TLL1: variants seen among roughly 807,000 people sequenced by gnomAD.
TLL1 encodes tolloid like 1.
TLL1 carries 49 observed loss-of-function variants against 128.2 expected under a neutral mutation model. That is an observed-to-expected ratio of 0.38 (90% confidence interval 0.30 to 0.48). The LOEUF (loss-of-function observed/expected upper bound fraction) is 0.48. Ranked by LOEUF, TLL1 falls within the 20% of genes least tolerant of loss-of-function variation. The pLI, the probability that TLL1 is intolerant of heterozygous loss-of-function variation, is 0.96. For synonymous variants in TLL1, 454 were observed against 418.8 expected (o/e 1.08, Z -1.03); for missense variants, 1,123 against 1,242.0 (o/e 0.90, Z 1.44).
At chr4:165,933,104 T>C (rs989912901) in intron 1 of TLL1, among the ~76,000 whole-genome samples, 1 of 152,236 alleles carries the variant, frequency 6.6e-6, no homozygotes, top group Admixed American at 6.5e-5. Context: ...CATGTATTTT[T>C]CAAGCCTACT....
intron 5 of TLL1, 105 bp from the exon 6 acceptor site, chr4:166,003,286 G>A (rs1737252431): frequency 8.8e-7 from 1 of 1,134,428 alleles, no homozygotes; most frequent in Non-Finnish European, 1.3e-6. Context: ...TCCTGAATGT[G>A]TCGGACTTTA....
chr4:165,891,295 T>A (rs965446817), intron 1 of TLL1, among the ~76,000 whole-genome samples: 1 of 143,180 alleles, frequency 7.0e-6, no homozygotes, highest in African/African-American at 2.6e-5. Flanking sequence ...TTGTTACTTA[T>A]GCAAATTTCT....
chr4:165,919,138 T>A (rs1260048538), intron 1 of TLL1, among the ~76,000 whole-genome samples: 1 of 152,060 alleles, frequency 6.6e-6, no homozygotes, highest in Middle Eastern at 3.2e-3. Flanking sequence ...TCCCAGCAGT[T>A]TGGAAGACCA....
intron 11 of TLL1, among the ~76,000 whole-genome samples, chr4:166,042,645 T>G (rs1196256980): frequency 6.6e-6 from 1 of 152,248 alleles, no homozygotes; most frequent in Non-Finnish European, 1.5e-5. Context: ...ACTGGCATTG[T>G]GCTTTCTTGG....
intron 1 of TLL1, among the ~76,000 whole-genome samples, chr4:165,950,927 G>T (rs775757173): frequency 1.3e-5 from 2 of 152,026 alleles, no homozygotes; most frequent in African/African-American, 4.8e-5. Flanking sequence ...ATTTAAGCTC[G>T]AAAGAGACAG....
intron 8 of TLL1, among the ~76,000 whole-genome samples, chr4:166,021,180 C>T (rs1296799524): frequency 2.0e-5 from 3 of 151,924 alleles, no homozygotes; most frequent in South Asian, 4.1e-4. Flanking sequence ...TATATAACTG[C>T]TTTTGTATAT....
intron 12 of TLL1, among the ~76,000 whole-genome samples, chr4:166,049,597 G>A (rs1359807879): frequency 2.0e-5 from 3 of 150,914 alleles, no homozygotes; most frequent in Non-Finnish European, 4.4e-5. Flanking sequence ...CAAGACCTAT[G>A]ATGTTGCTTT....
chr4:166,044,321 T>G, intron 12 of TLL1: 1 of 1,514,356 alleles, frequency 6.6e-7, no homozygotes, highest in Non-Finnish European at 8.9e-7. Context: ...CACTACTTAC[T>G]GAGGGCAGTG....
chr4:166,039,390 T>TATGACTATATTGA lies in TLL1; in HGVS notation c.1212_1224dup (p.Val409Ter). 6.2e-7 allele frequency: 1 copy of TATGACTATATTGA among 1,613,550 alleles called. No homozygotes were observed. The highest frequency in any genetic ancestry group is 8.5e-7 in the Non-Finnish European group (1 of 1,179,666). The stretch of plus-strand genomic sequence containing the variant: ...TCTATACAAGAGTAGTTTGTGCTGG[T>TATGACTATATTGA]ATGACTATATTGAAGTAAGAGACGG... On this transcript the variant is annotated frameshift_variant, in exon 10 of 21. Coordinates refer to ENST00000061240, the MANE Select transcript of TLL1 (RefSeq NM_012464.5). LOFTEE classifies it high-confidence loss of function.
chr4:165,977,009 A>G (rs564615512), intron 1 of TLL1, among the ~76,000 whole-genome samples: 1 of 152,338 alleles, frequency 6.6e-6, no homozygotes, highest in East Asian at 1.9e-4. Context: ...AGGGAAGCCA[A>G]AAGATTGGAT....
At chr4:166,054,572 C>G (rs553823324) in intron 12 of TLL1, among the ~76,000 whole-genome samples, 202 of 120,576 alleles carry the variant, frequency 1.7e-3, no homozygotes, top group Non-Finnish European at 2.8e-3. Context: ...TCCCTCCCCC[C>G]ACCCCACCAC....
rs577706663 is a variant in TLL1 at position 165,915,415 on chromosome 4, T to C, written c.169+41342T>C. On this transcript the variant is annotated intron_variant, in intron 1 of 20. Coordinates refer to ENST00000061240, the MANE Select transcript of TLL1 (RefSeq NM_012464.5). ...GGTTAGGGCTGAATGTTTATGACGA[T>C]TGAGTGATCTGATGAATTACAGGTT... is the stretch of plus-strand genomic sequence containing the variant. 2.0e-5 allele frequency among the ~76,000 whole-genome samples: 3 copies of C among 152,328 alleles called. No individual in the cohort carries two copies. In the South Asian group the frequency reaches 6.2e-4, roughly 32 times the overall value.
intron 1 of TLL1, among the ~76,000 whole-genome samples, chr4:165,918,998 A>G (rs1345836970): frequency 6.6e-6 from 1 of 152,208 alleles, no homozygotes; most frequent in Non-Finnish European, 1.5e-5. Flanking sequence ...TGGACTATGT[A>G]TTAATTATAT....
intron 16 of TLL1, among the ~76,000 whole-genome samples, chr4:166,070,405 T>C (rs915548618): frequency 2.0e-5 from 3 of 151,986 alleles, no homozygotes; most frequent in African/African-American, 7.2e-5. Context: ...TATTTGGGAA[T>C]AATATAACAA....
chr4:165,919,894 C>T, intron 1 of TLL1: 1 of 453,192 alleles, frequency 2.2e-6, no homozygotes. Context: ...CCTTGAAGTT[C>T]AAGAAGAAGC....
intron 1 of TLL1, among the ~76,000 whole-genome samples, chr4:165,957,476 T>A (rs1734861380): frequency 6.6e-6 from 1 of 152,004 alleles, no homozygotes; most frequent in Non-Finnish European, 1.5e-5. Flanking sequence ...TCTGGATTTT[T>A]TTTTTTACCT....
In TLL1 at chr4:166,077,282, G is replaced by A. The variant is rs891346348; in HGVS notation, c.2315-621G>A. On this transcript the variant is annotated intron_variant, in intron 17 of 20. Coordinates refer to ENST00000061240, the MANE Select transcript of TLL1 (RefSeq NM_012464.5). ...ATACTGATTGAATGAGGTATCCTTT[G>A]AAGTTGGTTCAGAAGCATCTCCAGG... is the stretch of plus-strand genomic sequence containing the variant. Among the ~76,000 whole-genome samples the A allele has an allele frequency of 2.0e-5, 3 of 150,656 alleles. No individual in the cohort carries two copies. The East Asian group carries it at 5.8e-4, about 29-fold the overall frequency.
At position 165,955,946 on chromosome 4, in the gene TLL1, G is replaced by A. The variant is rs575543653; in HGVS notation, c.170-33435G>A. Reference sequence around the variant, plus strand: ...GAATTTTACAGCTGGGCCACTGGGGGTGACATCACATATCAGTAGGACCGT... The same window carrying A: ...GAATTTTACAGCTGGGCCACTGGGGATGACATCACATATCAGTAGGACCGT... On this transcript the variant is annotated intron_variant, in intron 1 of 20. Transcript: ENST00000061240. Among the ~76,000 whole-genome samples the A allele has an allele frequency of 7.9e-5, 12 of 152,218 alleles. No homozygotes were observed. The South Asian group carries it at 2.5e-3, about 32-fold the overall frequency.
intron 9 of TLL1, among the ~76,000 whole-genome samples, chr4:166,030,002 A>G (rs1208655570): frequency 3.9e-5 from 6 of 152,124 alleles, no homozygotes. Context: ...TTGATTATCT[A>G]TCCAGAAGTG....
Sources: allele counts gnomAD v4.1 joint callset (sites outside exome capture counted in the v4.1 genomes callset), GRCh38; gene constraint gnomAD v4.1.1; transcripts MANE v1.5; gene names NCBI Gene and HGNC (gene_info 2026-07-23, HGNC 2026-07-21).